MFSD12: variants seen among roughly 807,000 people sequenced by gnomAD.
MFSD12 encodes the protein major facilitator superfamily domain containing 12.
MFSD12 carries 67 observed loss-of-function variants against 51.2 expected under a neutral mutation model. The observed-to-expected ratio is 1.31, with a 90% CI of 1.08 to 1.60. MFSD12 has a LOEUF of 1.60. Ranked by LOEUF, MFSD12 falls within the 40% of genes most tolerant of loss-of-function variation. The pLI is 0.00. For missense variants in MFSD12, 921 were observed against 673.0 expected (o/e 1.37, Z -4.08); for synonymous variants, 441 against 316.7 (o/e 1.39, Z -4.17).
chr19:3,538,651 G>GGGTGCGTGGA, exon 5 of MFSD12: 3 of 374,124 alleles, frequency 8.0e-6, no homozygotes, highest in South Asian at 4.9e-5. Flanking sequence ...TTCCAGCACG[G>GGGTGCGTGGA]TGGCGGCGCC....
At position 3,544,438 on chromosome 19, in the gene MFSD12, TC is replaced by T. The variant is rs2030763491; in HGVS notation, c.*271del. 7.5e-7 allele frequency: 1 copy of T among 1,337,938 alleles called. No individual in the cohort carries two copies. Among genetic ancestry groups the T allele is most frequent in the African/African-American group, 1.5e-5 (1 of 67,918 alleles). The allele number at this position is 1,337,938 out of a possible 1,614,324, so 82.9% of individuals were successfully genotyped here. A position where few individuals can be genotyped will look rare whatever the true frequency, so the allele number is the denominator to read the frequency against. ...CCCTTCTGGGATTCCTACTTCCTGTTCCCTGCCGAGAGGGGCACCCCAAATC... is the reference window on the plus strand; with the variant it reads ...CCCTTCTGGGATTCCTACTTCCTGTTCCTGCCGAGAGGGGCACCCCAAATC... On this transcript the variant is annotated 3_prime_UTR_variant, in exon 10 of 10. Transcript: ENST00000355415.
At chr19:3,539,896 A>G (rs2030218147), downstream of MFSD12, 1 of 152,262 alleles carries the variant, frequency 6.6e-6, no homozygotes, top group Non-Finnish European at 1.5e-5. Flanking sequence ...ATTATGGAAT[A>G]CTATGCAGCC....
intron 2 of MFSD12, among the ~76,000 whole-genome samples, chr19:3,550,515 C>T (rs1289336485): frequency 6.6e-6 from 1 of 152,004 alleles, no homozygotes; most frequent in Non-Finnish European, 1.5e-5. Flanking sequence ...CCTCAGCCTC[C>T]CGAGTAGCTG....
chr19:3,541,890 C>T, downstream of MFSD12: 2 of 749,536 alleles, frequency 2.7e-6, no homozygotes, highest in Non-Finnish European at 3.3e-6. Context: ...CTCACTGCAA[C>T]CTCCGCCTCC....
At chr19:3,550,093 C>A (rs2031383519) in intron 2 of MFSD12, among the ~76,000 whole-genome samples, 1 of 152,152 alleles carries the variant, frequency 6.6e-6, no homozygotes, top group Admixed American at 6.5e-5. Context: ...CTTCTGCCAC[C>A]AACCACGTGA....
rs753944481 is a variant in MFSD12, at chr19:3,547,405, C to T, written c.931-41G>A. ...CAGGCATGCCGTGTCAGTCATGGCTCGCCAGGCTGGGGCCGTCCCATCCCA... is the reference window on the plus strand; with the variant it reads ...CAGGCATGCCGTGTCAGTCATGGCTTGCCAGGCTGGGGCCGTCCCATCCCA... On this transcript the variant is annotated intron_variant, in intron 5 of 9. Coordinates refer to ENST00000355415, the MANE Select transcript of MFSD12 (RefSeq NM_174983.5). 2.0e-5 allele frequency: 32 copies of T among 1,611,538 alleles called. 1 individual carries two copies. The highest frequency in any genetic ancestry group is 1.9e-4 in the South Asian group (17 of 91,048).
At chr19:3,542,302 A>C, downstream of MFSD12, 2 of 985,400 alleles carry the variant, frequency 2.0e-6, no homozygotes, top group Non-Finnish European at 1.2e-6. Context: ...TCTAGTCAGG[A>C]TTTAAGCAGA....
chr19:3,556,062 A>G (rs1232202101), intron 1 of MFSD12, among the ~76,000 whole-genome samples: 1 of 152,170 alleles, frequency 6.6e-6, no homozygotes, highest in African/African-American at 2.4e-5. Context: ...CCAGACAGAT[A>G]GAGGCAATGC....
Position 3,548,179 on chromosome 19 carries a change from T to C in MFSD12, c.598A>G (p.Thr200Ala). 6.3e-7 allele frequency: 1 copy of C among 1,592,990 alleles called. No individual in the cohort carries two copies. Among genetic ancestry groups the C allele is most frequent in the Non-Finnish European group, 8.5e-7 (1 of 1,171,476 alleles). ...HLQGSSRVEP[T>A]QDISISDQLG... is the part of the protein sequence containing the mutation. ...TGGTCGCTGATGCTGATGTCTTGGG[T>C]GGGCTCCACCCGCGACGAGCCCTGC... Residue 200 changes from threonine (T) to alanine (A), a missense_variant, in exon 3 of 10, where the codon ACC becomes GCC. Thr to Ala is a moderately conservative substitution (Grantham distance 58). Transcript: ENST00000355415.
rs2145175123 is a variant in MFSD12 at position 3,544,502 on chromosome 19, A to G, written c.*208T>C. On this transcript the variant is annotated 3_prime_UTR_variant, in exon 10 of 10. Transcript: ENST00000355415. ...GGGATGGATTAGAGTTGAGAATGGG[A>G]CACCCTCAAAACCCAGGGGGTCCTT... 7.2e-7 allele frequency: 1 copy of G among 1,395,942 alleles called. No homozygotes were observed. The highest frequency in any genetic ancestry group is 3.0e-5 in the Admixed American group (1 of 33,340). The allele number at this position is 1,395,942 out of a possible 1,614,324, so 86.5% of individuals were successfully genotyped here.
At chr19:3,539,048 C>A in intron 4 of MFSD12, 1 of 656,762 alleles carries the variant, frequency 1.5e-6, no homozygotes, top group South Asian at 1.7e-5. Context: ...GCCCTTCCCT[C>A]GAGGCCACCT....
intron 1 of MFSD12, among the ~76,000 whole-genome samples, chr19:3,555,617 G>A (rs192682443): frequency 2.9e-4 from 44 of 152,214 alleles, no homozygotes; most frequent in Admixed American, 7.9e-4. Flanking sequence ...TGCCTGCTGC[G>A]GAGCCTGCCA....
chr19:3,542,733 T>G (rs1368951705), downstream of MFSD12: 11 of 1,322,200 alleles, frequency 8.3e-6, no homozygotes, highest in South Asian at 9.6e-5. Flanking sequence ...TCCACCTGCC[T>G]CAGCCTCCCA....
intron 2 of MFSD12, 127 bp from the exon 3 acceptor site, chr19:3,548,394 A>C: frequency 1.6e-6 from 2 of 1,270,306 alleles, no homozygotes; most frequent in Non-Finnish European, 1.1e-6. Flanking sequence ...CCACTGCCAC[A>C]CTGGGTGGCC....
At chr19:3,547,584 G>A (rs764792179) in intron 4 of MFSD12, 37 bp from the exon 5 acceptor site, 1 of 1,561,924 alleles carries the variant, frequency 6.4e-7, no homozygotes, top group Non-Finnish European at 8.7e-7. Flanking sequence ...GCAGGGGTCA[G>A]GAGGGCCTTC....
In MFSD12 at chr19:3,544,812, G is replaced by C. The variant is rs201054670; in HGVS notation, c.1417C>G (p.Arg473Gly). ...GGAGGGGTGGGCCAGGACTCACAGC[G>C]TCGCAGGCGGGTCGGCCACAGCAGG... The part of the protein sequence containing the change: ...SLLLWPTRLR[R>G]WDRDARP The change falls in exon 9 of 10, where the codon CGC (arginine) becomes GGC (glycine). Residue 473 changes from arginine to glycine, a missense_variant. Physicochemically the swap from Arg to Gly is moderately radical, Grantham distance 125. Coordinates refer to ENST00000355415, the MANE Select transcript of MFSD12 (RefSeq NM_174983.5). The C allele has an allele frequency of 3.1e-6, 5 of 1,612,330 alleles. No homozygotes were observed. The highest frequency in any genetic ancestry group is 1.7e-4 in the Middle Eastern group (1 of 6,026).
Position 3,557,271 on chromosome 19 carries a change from G to T in MFSD12, c.133C>A (p.Leu45Ile). The stretch of plus-strand genomic sequence containing the variant: ...TAGGCGCGCACCGAGTGCAGGTAGA[G>T]CAGCAGGTAGGTGAACCACATGGAC... Reference protein sequence around the residue: ...CASMWFTYLLLYLHSVRAYSS... With the variant: ...CASMWFTYLLIYLHSVRAYSS... The change falls in exon 1 of 10, where the codon CTC becomes ATC. Residue 45 changes from leucine to isoleucine, a missense_variant. Coordinates refer to ENST00000355415, the MANE Select transcript of MFSD12 (RefSeq NM_174983.5). The T allele has an allele frequency of 6.3e-7, 1 of 1,598,180 alleles. No individual in the cohort carries two copies. Among genetic ancestry groups the T allele is most frequent in the Non-Finnish European group, 8.5e-7 (1 of 1,173,816 alleles).
downstream of MFSD12, chr19:3,539,251 C>T (rs542839091): frequency 7.5e-5 from 116 of 1,548,688 alleles, no homozygotes; most frequent in South Asian, 7.9e-4. Context: ...TTCCCAGCAC[C>T]GCTGTACAGG....
At position 3,548,189 on chromosome 19, in the gene MFSD12, C is replaced by T; in HGVS notation, c.588G>A (p.Arg196=). The T allele has an allele frequency of 1.3e-6, 2 of 1,576,878 alleles. No individual in the cohort carries two copies. Among genetic ancestry groups the T allele is most frequent in the Admixed American group, 1.8e-5 (1 of 54,598 alleles). Residue 196 remains arginine, a synonymous_variant, in exon 3 of 10, where the codon CGG becomes CGA. Coordinates refer to ENST00000355415, the MANE Select transcript of MFSD12 (RefSeq NM_174983.5). The part of the protein sequence containing the change: ...WLLLHLQGSS[R]VEPTQDISIS... Reference sequence around the variant, plus strand: ...TGCTGATGTCTTGGGTGGGCTCCACCCGCGACGAGCCCTGCAGGTGCAGCA... The same window carrying T: ...TGCTGATGTCTTGGGTGGGCTCCACTCGCGACGAGCCCTGCAGGTGCAGCA...
Sources: gnomAD v4.1 joint callset for allele counts (sites outside exome capture counted in the v4.1 genomes callset) on GRCh38, gnomAD v4.1.1 for gene constraint, MANE v1.5 for transcripts, NCBI Gene and HGNC (gene_info 2026-07-23, HGNC 2026-07-21) for gene names.